Variants in MEI1 observed in about 807,000 individuals in gnomAD.
MEI1 encodes meiosis inhibitor protein 1.
MEI1 carries 103 observed loss-of-function variants against 146.2 expected under a neutral mutation model. The observed-to-expected ratio is 0.70, with a 90% CI of 0.60 to 0.83. The LOEUF (loss-of-function observed/expected upper bound fraction) is 0.83. MEI1 is among the 40% of genes least tolerant of loss of function. The pLI is 0.00. For synonymous variants in MEI1, 652 were observed against 628.2 expected (o/e 1.04, Z -0.57); for missense variants, 1,529 against 1,533.0 (o/e 1.00, Z 0.04).
At chr22:41,705,353 G>C (rs2069008090) in intron 2 of MEI1, 151 bp from the exon 3 acceptor site, 1 of 669,206 alleles carries the variant, frequency 1.5e-6, no homozygotes, top group Middle Eastern at 3.9e-4. Flanking sequence ...TGTGTTTTTA[G>C]TAGAGAGAGG....
intron 11 of MEI1, among the ~76,000 whole-genome samples, chr22:41,736,485 C>T (rs959404989): frequency 6.6e-6 from 1 of 152,094 alleles, no homozygotes; most frequent in African/African-American, 2.4e-5. Flanking sequence ...GATCTCCTGA[C>T]CTTGTGATCT....
In MEI1 at chr22:41,795,476, G is replaced by A. The variant is rs1394215836; in HGVS notation, c.3600G>A (p.Val1200=). ...AGGTGGGTGATGTTCTGCAAGGTGT[G>A]GCTTTGGCTGACCTGTCTACCCTCT... is the stretch of plus-strand genomic sequence containing the variant. ...HEEVGDVLQG[V]ALADLSTLSN... Residue 1200 remains valine, a synonymous_variant, in exon 29 of 31, where the codon GTG becomes GTA. Transcript: ENST00000401548. The surrounding 1 kb of genome is among the most constrained non-coding windows in gnomAD (Gnocchi z 4.2). The A allele has an allele frequency of 1.9e-6, 3 of 1,613,620 alleles. No homozygotes were observed. Among genetic ancestry groups the A allele is most frequent in the African/African-American group, 1.3e-5 (1 of 74,830 alleles).
intron 17 of MEI1, among the ~76,000 whole-genome samples, chr22:41,755,184 C>T (rs139316733): frequency 6.6e-6 from 1 of 152,280 alleles, no homozygotes; most frequent in East Asian, 1.9e-4. Context: ...CTATCTTAGA[C>T]CTGTCTCCTG....
intron 19 of MEI1, among the ~76,000 whole-genome samples, chr22:41,767,101 G>A (rs549738475): frequency 6.6e-6 from 1 of 152,250 alleles, no homozygotes; most frequent in African/African-American, 2.4e-5. Flanking sequence ...GCTGCAAGGG[G>A]CACCTTCAGG....
intron 26 of MEI1, among the ~76,000 whole-genome samples, chr22:41,785,354 C>T (rs1569323977): frequency 6.6e-6 from 1 of 151,786 alleles, no homozygotes; most frequent in African/African-American, 2.4e-5. Flanking sequence ...GCTCTGCCTC[C>T]CGGGTTCACG....
chr22:41,705,469 C>A, intron 2 of MEI1, 35 bp from the exon 3 acceptor site: 1 of 1,608,368 alleles, frequency 6.2e-7, no homozygotes, highest in Non-Finnish European at 8.5e-7. Flanking sequence ...CGCGCCCTGC[C>A]TAACCACCCC....
chr22:41,773,101 G>A (rs1035430241), intron 20 of MEI1, among the ~76,000 whole-genome samples: 18 of 152,216 alleles, frequency 1.2e-4, no homozygotes, highest in African/African-American at 3.4e-4. Context: ...TCCCAGGGAA[G>A]CTGGAGTGGA....
At chr22:41,722,920 A>G (rs1262704254) in intron 6 of MEI1, among the ~76,000 whole-genome samples, 1 of 152,164 alleles carries the variant, frequency 6.6e-6, no homozygotes, top group Non-Finnish European at 1.5e-5. Flanking sequence ...AATCCTTAAC[A>G]TAGCTTATGT....
intron 22 of MEI1, among the ~76,000 whole-genome samples, chr22:41,779,347 G>T (rs538673004): frequency 6.6e-6 from 1 of 152,208 alleles, no homozygotes; most frequent in South Asian, 2.1e-4. Context: ...CCAGCAACTT[G>T]GGAAGGCCGA....
intron 7 of MEI1, among the ~76,000 whole-genome samples, chr22:41,728,852 C>A (rs1341700259): frequency 3.4e-5 from 5 of 145,062 alleles, no homozygotes; most frequent in Admixed American, 6.7e-5. Context: ...TAAAGTGAGA[C>A]CCTGTGTCAA....
At chr22:41,799,227 T>G (rs200628846) in intron 30 of MEI1, 27 bp from the exon 31 acceptor site, 9 of 1,612,424 alleles carry the variant, frequency 5.6e-6, no homozygotes, top group Middle Eastern at 1.6e-4. Flanking sequence ...ACTTCTCTGC[T>G]GTTTTCCTCT....
rs200820333 is a variant in MEI1, at chr22:41,781,680, G to A, written c.2927-5G>A. On this transcript the variant is annotated splice_polypyrimidine_tract_variant and splice_region_variant and intron_variant, in intron 23 of 30. Coordinates refer to ENST00000401548, the MANE Select transcript of MEI1 (RefSeq NM_152513.4). ...TGTGGGCCCTGCCTTGCCCACCCCCGACAGCTGCTGCAGTGCTCCTGAGCA... is the reference window on the plus strand; with the variant it reads ...TGTGGGCCCTGCCTTGCCCACCCCCAACAGCTGCTGCAGTGCTCCTGAGCA... The A allele has an allele frequency of 8.7e-6, 14 of 1,612,144 alleles. No homozygotes were observed. Among genetic ancestry groups the A allele is most frequent in the South Asian group, 7.7e-5 (7 of 90,954 alleles).
In MEI1 at chr22:41,795,657, C is replaced by G; in HGVS notation, c.3667-78C>G. ...ACCAAGGAATGGGAGGAGGGAAGTA[C>G]AGAGGATGGAGGCAGTTAGGGCCTG... is the stretch of plus-strand genomic sequence containing the variant. On this transcript the variant is annotated intron_variant, in intron 29 of 30. Coordinates refer to ENST00000401548, the MANE Select transcript of MEI1 (RefSeq NM_152513.4). The surrounding 1 kb of genome is among the most constrained non-coding windows in gnomAD (Gnocchi z 4.2). 6.3e-7 allele frequency: 1 copy of G among 1,588,690 alleles called. No homozygotes were observed. The highest frequency in any genetic ancestry group is 2.2e-5 in the East Asian group (1 of 44,476).
chr22:41,785,910 A>AT (rs1158591831), intron 26 of MEI1, among the ~76,000 whole-genome samples: 4 of 96,334 alleles, frequency 4.2e-5, no homozygotes, highest in Middle Eastern at 5.6e-3. Flanking sequence ...TTTATTTTTT[A>AT]TTTTATTTTT....
intron 11 of MEI1, among the ~76,000 whole-genome samples, chr22:41,737,822 C>T (rs1405181832): frequency 2.0e-5 from 3 of 151,884 alleles, no homozygotes; most frequent in African/African-American, 4.8e-5. Flanking sequence ...AGTCAATATG[C>T]GAATGTAGGA....
chr22:41,713,623 A>G (rs967586130), intron 3 of MEI1, among the ~76,000 whole-genome samples: 12 of 152,296 alleles, frequency 7.9e-5, no homozygotes, highest in Admixed American at 5.2e-4. Flanking sequence ...ATCTTGGCTC[A>G]CTACAACCTC....
chr22:41,775,829 C>T (rs1356705567), intron 20 of MEI1, among the ~76,000 whole-genome samples: 3 of 152,042 alleles, frequency 2.0e-5, no homozygotes, highest in Non-Finnish European at 4.4e-5. Flanking sequence ...CTCCTGACCT[C>T]GTGATCCACC....
Position 41,729,755 on chromosome 22 carries a change from G to C in MEI1, c.955G>C (p.Ala319Pro). ...CCACTCCCCAGCAAAGCATGCGTCAGCCTTCATCCACGCTGACATCCCAGG... is the reference window on the plus strand; with the variant it reads ...CCACTCCCCAGCAAAGCATGCGTCACCCTTCATCCACGCTGACATCCCAGG... Reference protein sequence around the residue: ...LVHSPAKHASAFIHADIPEFL... With the variant: ...LVHSPAKHASPFIHADIPEFL... Residue 319 changes from alanine (A) to proline (P), a missense_variant, in exon 8 of 31, where the codon GCC (alanine) becomes CCC (proline). By Grantham distance (27) the Ala-to-Pro change is conservative (BLOSUM62 -1). This residue lies in a region of MEI1 where 1,212 missense variants were observed against 1,178.9 expected (regional missense o/e 1.03). Transcript: ENST00000401548. The C allele has an allele frequency of 6.2e-7, 1 of 1,609,276 alleles. No individual in the cohort carries two copies. The highest frequency in any genetic ancestry group is 8.5e-7 in the Non-Finnish European group (1 of 1,178,158).
chr22:41,713,638 TG>T (rs1392499934), intron 3 of MEI1, among the ~76,000 whole-genome samples: 47 of 152,330 alleles, frequency 3.1e-4, no homozygotes, highest in East Asian at 1.5e-3. Context: ...AACCTCCGCC[TG>T]CCGGGTTCAA....
Sources: gnomAD v4.1 joint callset for allele counts (sites outside exome capture counted in the v4.1 genomes callset) on GRCh38, gnomAD v4.1.1 for gene constraint, gnomAD v4.1.1 regional missense constraint, Gnocchi (gnomAD v3.1) non-coding constraint, MANE v1.5 for transcripts, NCBI Gene and HGNC (gene_info 2026-07-23, HGNC 2026-07-21) for gene names.